Variants in AKAP7 observed in about 807,000 individuals in gnomAD.
AKAP7 encodes A-kinase anchoring protein 7, also known as A kinase (PRKA) anchor protein 7.
Under a neutral mutation model 39.5 loss-of-function variants are expected in AKAP7, and 39 were observed. That is an observed-to-expected ratio of 0.99 (90% CI 0.76 to 1.29). The LOEUF (loss-of-function observed/expected upper bound fraction) is 1.29. Among genes scored for constraint, AKAP7 ranks in the 50% most tolerant of loss-of-function variants. The pLI is 0.00. For synonymous variants in AKAP7, 140 were observed against 139.1 expected, an observed-to-expected ratio of 1.01 and a Z score of -0.05; for missense variants, 414 against 407.7, an observed-to-expected ratio of 1.02 and a Z score of -0.13.
At chr6:131,270,786 C>T (rs576036632) in intron 7 of AKAP7, among the ~76,000 whole-genome samples, 3 of 152,236 alleles carry the variant, frequency 2.0e-5, no homozygotes, top group African/African-American at 7.2e-5. Context: ...GTAGTAGTAT[C>T]TCATTGTGAC....
intron 2 of AKAP7, among the ~76,000 whole-genome samples, chr6:131,151,471 G>A (rs1202049969): frequency 6.6e-6 from 1 of 151,762 alleles, no homozygotes; most frequent in African/African-American, 2.4e-5. Context: ...ATGGCCGGGT[G>A]TGGTGGCTCA....
chr6:131,166,387 G>T (rs1473171601), intron 4 of AKAP7, among the ~76,000 whole-genome samples: 1 of 152,188 alleles, frequency 6.6e-6, no homozygotes, highest in East Asian at 1.9e-4. Context: ...GAATGGTCAG[G>T]ATTCTCCAGA....
intron 7 of AKAP7, among the ~76,000 whole-genome samples, chr6:131,253,482 T>C (rs576066191): frequency 6.6e-6 from 1 of 152,262 alleles, no homozygotes; most frequent in South Asian, 2.1e-4. Flanking sequence ...AACTTCCAGC[T>C]ATTTTGGAAT....
At chr6:131,250,154 T>C (rs1334195201) in intron 7 of AKAP7, 2 of 988,348 alleles carry the variant, frequency 2.0e-6, no homozygotes, top group Non-Finnish European at 2.4e-6. Flanking sequence ...TGAATTTTCA[T>C]GTGTAATTAC....
intron 7 of AKAP7, among the ~76,000 whole-genome samples, chr6:131,251,515 G>A (rs572531260): frequency 5.3e-5 from 8 of 151,954 alleles, no homozygotes; most frequent in African/African-American, 1.7e-4. Context: ...AAAGATATAC[G>A]TCTGGTTTAT....
At chr6:131,129,009 G>A in the AKAP7 span, among the ~76,000 whole-genome samples, 2 of 152,020 alleles carry the variant, frequency 1.3e-5, no homozygotes, top group African/African-American at 4.8e-5. Flanking sequence ...TGATTGAGCT[G>A]GGTGCGGTGG....
intron 7 of AKAP7, among the ~76,000 whole-genome samples, chr6:131,231,731 A>G (rs150892788): frequency 0.012 from 1,903 of 152,276 alleles, 37 homozygotes; most frequent in African/African-American, 0.041. Context: ...TCCTGGCTTA[A>G]CTGGGACTTA....
rs548971987 is a variant in AKAP7 at position 131,197,505 on chromosome 6, A to G, written c.590-1956A>G. Reference sequence around the variant, plus strand: ...GTTCAGGAACTTCAGTTACAGACATATTAGACAACTCGAAGTTGCCCCACA... The same window carrying G: ...GTTCAGGAACTTCAGTTACAGACATGTTAGACAACTCGAAGTTGCCCCACA... On this transcript the variant is annotated intron_variant, in intron 5 of 7. Transcript: ENST00000431975. Among the ~76,000 whole-genome samples the G allele has an allele frequency of 3.3e-5, 5 of 152,274 alleles. No homozygotes were observed. In the South Asian group the frequency reaches 8.3e-4, roughly 25 times the overall value.
At chr6:131,213,797 G>T (rs1195034690) in intron 6 of AKAP7, among the ~76,000 whole-genome samples, 2 of 152,168 alleles carry the variant, frequency 1.3e-5, no homozygotes, top group Admixed American at 1.3e-4. Flanking sequence ...AAAGAATTGA[G>T]GTTGGCTAAG....
intron 7 of AKAP7, among the ~76,000 whole-genome samples, chr6:131,268,750 T>C (rs923924776): frequency 1.3e-5 from 2 of 152,196 alleles, no homozygotes; most frequent in African/African-American, 4.8e-5. Context: ...GTCTGTATTC[T>C]CATGAGCAGG....
rs974285016 is a variant in AKAP7, at chr6:131,145,400, T to G, written c.135T>G (p.Ile45Met). The change falls in exon 2 of 8, where the codon ATT becomes ATG. Residue 45 changes from isoleucine (I) to methionine (M), a missense_variant. By Grantham distance (10) the Ile-to-Met change is conservative. Coordinates refer to ENST00000431975, the MANE Select transcript of AKAP7 (RefSeq NM_016377.4). ...LVDMPFATVD[I>M]QDDCGITDEP... ...ACATGCCATTTGCTACTGTAGATAT[T>G]CAGGATGACTGTGGAAGTAAGTACT... is the stretch of plus-strand genomic sequence containing the variant. 1 of 1,535,222 alleles carries G rather than the reference T, an allele frequency of 6.5e-7. No individual in the cohort carries two copies. Among genetic ancestry groups the G allele is most frequent in the Non-Finnish European group, 8.8e-7 (1 of 1,139,286 alleles).
In AKAP7 at chr6:131,219,664, G is replaced by C; in HGVS notation, c.706G>C (p.Val236Leu). 1 of 1,592,206 alleles carries C rather than the reference G, an allele frequency of 6.3e-7. No individual in the cohort carries two copies. Among genetic ancestry groups the C allele is most frequent in the South Asian group, 1.1e-5 (1 of 86,984 alleles). ...SKSPWLRKNG[V>L]KKIDPDLYEK... ...TGATTTGTTTTTTCATTTCAAGGGA[G>C]TGAAAAAAATAGATCCTGATTTATA... The change falls in exon 7 of 8, where the codon GTG becomes CTG. Residue 236 changes from valine to leucine, a missense_variant. Val to Leu is a conservative substitution (Grantham distance 32). Transcript: ENST00000431975.
intron 7 of AKAP7, among the ~76,000 whole-genome samples, chr6:131,261,060 G>T (rs1248640273): frequency 6.6e-6 from 1 of 152,112 alleles, no homozygotes; most frequent in African/African-American, 2.4e-5. Context: ...GCTGGGCGTA[G>T]TGGCACATGC....
rs184411129 is a variant in AKAP7, at chr6:131,192,427, A to G, written c.590-7034A>G. ...ATATTGATTTGTTTCTGGGTTCTCT[A>G]TTCTGCTCCATTGATCTATATGTCT... On this transcript the variant is annotated intron_variant, in intron 5 of 7. Coordinates refer to ENST00000431975, the MANE Select transcript of AKAP7 (RefSeq NM_016377.4). Among the ~76,000 whole-genome samples, 81 of 152,258 alleles carry G rather than the reference A, an allele frequency of 5.3e-4. 1 individual carries two copies. Among genetic ancestry groups the G allele is most frequent in the Middle Eastern group, 3.4e-3 (1 of 294 alleles).
intron 2 of AKAP7, among the ~76,000 whole-genome samples, chr6:131,159,406 T>A (rs1480895500): frequency 2.0e-5 from 3 of 151,820 alleles, no homozygotes; most frequent in Non-Finnish European, 4.4e-5. Context: ...GATCAGTTTT[T>A]AAAAAAAAAT....
At chr6:131,242,232 G>A in intron 7 of AKAP7, 1 of 968,532 alleles carries the variant, frequency 1.0e-6, no homozygotes, top group Non-Finnish European at 1.2e-6. Flanking sequence ...AAGCGCAATT[G>A]ACCATCACAG....
chr6:131,275,765 T>C (rs1243056276), intron 7 of AKAP7, among the ~76,000 whole-genome samples: 5 of 152,194 alleles, frequency 3.3e-5, no homozygotes, highest in Non-Finnish European at 5.9e-5. Flanking sequence ...GATGTGCGGA[T>C]CGGGGGGCTG....
chr6:131,275,432 G>T (rs1814668034), intron 7 of AKAP7, among the ~76,000 whole-genome samples: 1 of 152,182 alleles, frequency 6.6e-6, no homozygotes, highest in Non-Finnish European at 1.5e-5. Context: ...ACACACATTA[G>T]GAGTTCTGTC....
At chr6:131,191,769 C>T (rs1422223351) in intron 5 of AKAP7, among the ~76,000 whole-genome samples, 1 of 151,900 alleles carries the variant, frequency 6.6e-6, no homozygotes, top group Non-Finnish European at 1.5e-5. Flanking sequence ...ACCTGGGCTC[C>T]ACCAGCACTT....
Sources: gnomAD v4.1 joint callset for allele counts (sites outside exome capture counted in the v4.1 genomes callset) on GRCh38, gnomAD v4.1.1 for gene constraint, MANE v1.5 for transcripts, NCBI Gene and HGNC (gene_info 2026-07-23, HGNC 2026-07-21) for gene names.